The following STK17A variants were observed in gnomAD, a reference collection of about 807,000 sequenced individuals.
STK17A encodes serine/threonine kinase 17a, also known as serine/threonine-protein kinase 17A.
In STK17A, 26 loss-of-function variants were observed where a neutral mutation model predicts 43.7. That is an observed-to-expected ratio of 0.60 (90% CI 0.44 to 0.83). The LOEUF (loss-of-function observed/expected upper bound fraction) is 0.83, where lower values mean the gene tolerates loss of function less well. Ranked by LOEUF, STK17A falls within the 40% of genes least tolerant of loss-of-function variation. The pLI, the probability that STK17A is intolerant of heterozygous loss-of-function variation, is 0.00. For synonymous variants in STK17A, 191 were observed against 182.5 expected, an observed-to-expected ratio of 1.05 and a Z score of -0.38; for missense variants, 476 against 511.6, an observed-to-expected ratio of 0.93 and a Z score of 0.67.
intron 1 of STK17A, among the ~76,000 whole-genome samples, chr7:43,593,928 C>T (rs1318697749): frequency 6.6e-5 from 10 of 152,112 alleles, no homozygotes; most frequent in Non-Finnish European, 1.3e-4. Flanking sequence ...GGTAGTTTAT[C>T]AGCCCAATTT....
intron 4 of STK17A, 23 bp from the exon 5 acceptor site, chr7:43,623,549 T>C (rs975039318): frequency 6.2e-7 from 1 of 1,600,792 alleles, no homozygotes; most frequent in Non-Finnish European, 8.5e-7. Flanking sequence ...AAACTAAATG[T>C]TTTCTTCTCT....
intron 3 of STK17A, chr7:43,609,343 T>C (rs1367741466): frequency 6.6e-6 from 1 of 152,300 alleles, no homozygotes; most frequent in Non-Finnish European, 1.5e-5. Flanking sequence ...AACCAGTAAG[T>C]GTGCTGGTTG....
In STK17A at chr7:43,594,056, A is replaced by G. The variant is rs577210111; in HGVS notation, c.207-1845A>G. On this transcript the variant is annotated intron_variant, in intron 1 of 6. Transcript: ENST00000319357. The stretch of plus-strand genomic sequence containing the variant: ...CGATTATACCTGGATTAGTTGCTTC[A>G]GATTTGGTTGGCACATTTTCTGCTG... 3.3e-5 allele frequency among the ~76,000 whole-genome samples: 5 copies of G among 152,328 alleles called. No individual in the cohort carries two copies. The South Asian group carries it at 1.0e-3, about 32-fold the overall frequency.
At chr7:43,589,022 G>C (rs1466773944) in intron 1 of STK17A, among the ~76,000 whole-genome samples, 1 of 151,428 alleles carries the variant, frequency 6.6e-6, no homozygotes, top group Non-Finnish European at 1.5e-5. Context: ...CAGTTGGGCT[G>C]TAAAGAATGG....
At chr7:43,599,221 A>G (rs1447371303) in intron 2 of STK17A, among the ~76,000 whole-genome samples, 2 of 152,250 alleles carry the variant, frequency 1.3e-5, no homozygotes, top group Non-Finnish European at 2.9e-5. Flanking sequence ...AATGCATAGC[A>G]TAGTGAATTG....
At chr7:43,594,645 T>C (rs542898800) in intron 1 of STK17A, among the ~76,000 whole-genome samples, 5 of 152,188 alleles carry the variant, frequency 3.3e-5, no homozygotes, top group Admixed American at 2.0e-4. Context: ...TTTGTGTGAT[T>C]AGTAATATTT....
chr7:43,595,293 C>T (rs1188190227), intron 1 of STK17A, among the ~76,000 whole-genome samples: 4 of 139,620 alleles, frequency 2.9e-5, no homozygotes, highest in Non-Finnish European at 4.6e-5. Flanking sequence ...TTTTTCCCCC[C>T]TGGAGACAGA....
At chr7:43,617,155 CATATG>C (rs142553851) in intron 3 of STK17A, among the ~76,000 whole-genome samples, 8,313 of 152,182 alleles carry the variant, frequency 0.055, 757 homozygotes, top group African/African-American at 0.19. Flanking sequence ...GGGATCATGG[CATATG>C]ATGAGTCTGG....
chr7:43,596,117 A>G lies in STK17A; in HGVS notation c.419+4A>G. The G allele has an allele frequency of 6.2e-7, 1 of 1,602,118 alleles. No homozygotes were observed. The highest frequency in any genetic ancestry group is 8.5e-7 in the Non-Finnish European group (1 of 1,172,736). On this transcript the variant is annotated splice_donor_region_variant and intron_variant, in intron 2 of 6. Transcript: ENST00000319357. Reference sequence around the variant, plus strand: ...AAATGATCTTAGTTCTGGAATAGTAAGTATTGTCTTTCTTAGATTAAGTTT... The same window carrying G: ...AAATGATCTTAGTTCTGGAATAGTAGGTATTGTCTTTCTTAGATTAAGTTT...
At chr7:43,584,363 C>T (rs921814709) in intron 1 of STK17A, among the ~76,000 whole-genome samples, 2 of 152,184 alleles carry the variant, frequency 1.3e-5, no homozygotes, top group Non-Finnish European at 2.9e-5. Context: ...TTAGACTCTC[C>T]AGCCTCACTT....
At chr7:43,618,650 A>G (rs1268823617) in intron 3 of STK17A, among the ~76,000 whole-genome samples, 1 of 152,136 alleles carries the variant, frequency 6.6e-6, no homozygotes, top group African/African-American at 2.4e-5. Flanking sequence ...AATTTAATGA[A>G]TTTTACATTC....
At chr7:43,613,284 C>T (rs1340278497) in intron 3 of STK17A, among the ~76,000 whole-genome samples, 2 of 152,116 alleles carry the variant, frequency 1.3e-5, no homozygotes, top group Non-Finnish European at 2.9e-5. Flanking sequence ...GGCCCCCCAC[C>T]AAGTATTTCA....
intron 5 of STK17A, 26 bp from the exon 6 acceptor site, chr7:43,623,683 T>C: frequency 6.2e-7 from 1 of 1,601,354 alleles, no homozygotes; most frequent in Non-Finnish European, 8.5e-7. Flanking sequence ...GTACTAAATT[T>C]TTCTTGCATT....
intron 3 of STK17A, among the ~76,000 whole-genome samples, chr7:43,613,662 G>A (rs967690241): frequency 1.3e-5 from 2 of 152,010 alleles, no homozygotes; most frequent in African/African-American, 4.8e-5. Flanking sequence ...AGGCAACATA[G>A]TGAGACCTCA....
chr7:43,595,170 C>T (rs1224380426), intron 1 of STK17A, among the ~76,000 whole-genome samples: 2 of 151,716 alleles, frequency 1.3e-5, no homozygotes, highest in African/African-American at 2.4e-5. Context: ...AGATCCTTAC[C>T]TTTAGAAAGT....
intron 2 of STK17A, among the ~76,000 whole-genome samples, chr7:43,602,275 A>G (rs576061631): frequency 6.6e-6 from 1 of 152,096 alleles, no homozygotes; most frequent in South Asian, 2.1e-4. Flanking sequence ...AGTCTCTTCT[A>G]TGCTAAAATT....
chr7:43,611,078 C>T (rs1400737320), intron 3 of STK17A, among the ~76,000 whole-genome samples: 1 of 152,214 alleles, frequency 6.6e-6, no homozygotes, highest in African/African-American at 2.4e-5. Flanking sequence ...GATTGCGCCA[C>T]TGCACTCCAG....
intron 1 of STK17A, 75 bp downstream of exon 1, chr7:43,583,524 C>T: frequency 2.5e-6 from 3 of 1,184,194 alleles, no homozygotes; most frequent in Non-Finnish European, 3.2e-6. Flanking sequence ...TAAGTGCCGG[C>T]GCCGCGGCGG....
At chr7:43,608,575 G>GCA in intron 3 of STK17A, 175 bp downstream of exon 3, 1 of 631,592 alleles carries the variant, frequency 1.6e-6, no homozygotes, top group Non-Finnish European at 2.6e-6. Context: ...GGGAGATAAT[G>GCA]CACACATGTG....
Sources: allele counts gnomAD v4.1 joint callset (sites outside exome capture counted in the v4.1 genomes callset), GRCh38; gene constraint gnomAD v4.1.1; transcripts MANE v1.5; gene names NCBI Gene and HGNC (gene_info 2026-07-23, HGNC 2026-07-21).